The following KNTC1 variants were observed in gnomAD, a reference collection of about 807,000 sequenced individuals.
The protein encoded by KNTC1 is kinetochore-associated protein 1.
In KNTC1, 253 loss-of-function variants were observed where a neutral mutation model predicts 314.4. The ratio of observed to expected loss-of-function variants is 0.80; its 90% CI spans 0.73 to 0.89. KNTC1 has a LOEUF of 0.89. Ranked by LOEUF, KNTC1 falls within the 40% of genes least tolerant of loss-of-function variation. KNTC1 has a pLI of 0.00. For synonymous variants in KNTC1, 901 were observed against 901.4 expected (o/e 1.00, Z 0.01); for missense variants, 2,475 against 2,572.9 (o/e 0.96, Z 0.82).
chr12:122,602,015 A>T (rs1241853449), intron 45 of KNTC1: 1 of 152,848 alleles, frequency 6.5e-6, no homozygotes, highest in East Asian at 1.9e-4. Flanking sequence ...CTACTCAATT[A>T]TGTCTCAGTA....
At chr12:122,532,264 A>G (rs1439906219) in intron 2 of KNTC1, among the ~76,000 whole-genome samples, 5 of 138,662 alleles carry the variant, frequency 3.6e-5, no homozygotes, top group Middle Eastern at 4.0e-3. Context: ...GCTGGAGTGC[A>G]GTGGCGTGAT....
At chr12:122,601,891 T>A (rs1871964476) in intron 45 of KNTC1, 1 of 267,316 alleles carries the variant, frequency 3.7e-6, no homozygotes, top group South Asian at 5.0e-5. Flanking sequence ...GAGTATGAAG[T>A]CACTACAGAA....
Position 122,530,210 on chromosome 12 carries a change from G to C in KNTC1, c.129+18G>C, listed in dbSNP as rs1961200881. 3 of 1,607,518 alleles carry C rather than the reference G, an allele frequency of 1.9e-6. No individual in the cohort carries two copies. The highest frequency in any genetic ancestry group is 2.6e-6 in the Non-Finnish European group (3 of 1,176,146). On this transcript the variant is annotated intron_variant, in intron 2 of 63. Coordinates refer to ENST00000333479, the MANE Select transcript of KNTC1 (RefSeq NM_014708.6). ...CTGAAAAGGTAGTGATTATTACACT[G>C]ACTGTTTCATTCACAGAATTTTTAC...
intron 3 of KNTC1, among the ~76,000 whole-genome samples, chr12:122,537,067 T>C (rs1383470182): frequency 6.6e-6 from 1 of 152,212 alleles, no homozygotes; most frequent in Non-Finnish European, 1.5e-5. Flanking sequence ...GCGGAATAAC[T>C]TGAGTTCGTA....
rs1565940532 is a variant in KNTC1, at chr12:122,546,216, C to G, written c.710C>G (p.Ser237Cys). The G allele has an allele frequency of 1.9e-6, 3 of 1,609,820 alleles. No individual in the cohort carries two copies. The highest frequency in any genetic ancestry group is 2.2e-5 in the East Asian group (1 of 44,752). ...GCATTCTCAAAATGGGAACCAGATT[C>G]TTCCAAGAAAGGAATGACAGTTAAG... Reference protein sequence around the residue: ...NCAFSKWEPDSSKKGMTVKNL... With the variant: ...NCAFSKWEPDCSKKGMTVKNL... Residue 237 changes from serine (S) to cysteine (C), a missense_variant, in exon 9 of 64, where the codon TCT becomes TGT. Transcript: ENST00000333479.
intron 45 of KNTC1, chr12:122,601,986 T>TA (rs999889094): frequency 5.7e-5 from 9 of 159,032 alleles, no homozygotes; most frequent in Non-Finnish European, 9.6e-5. Context: ...CTCTGTGTAT[T>TA]AATGGGTAGG....
In KNTC1 at chr12:122,587,861, C is replaced by G; in HGVS notation, c.3881C>G (p.Thr1294Ser). 1 of 1,613,328 alleles carries G rather than the reference C, an allele frequency of 6.2e-7. No individual in the cohort carries two copies. The highest frequency in any genetic ancestry group is 2.2e-5 in the East Asian group (1 of 44,862). The change falls in exon 39 of 64, where the codon ACT (threonine) becomes AGT (serine). Residue 1294 changes from threonine (T) to serine (S), a missense_variant. Transcript: ENST00000333479. ...QHSVSNFMNA[T>S]LSEKLFGETT... ...TCTGTGTCAAACTTCATGAATGCCA[C>G]TTTGAGTGAAAAGGTATAGTGTCAA...
chr12:122,577,043 A>G lies in KNTC1; in HGVS notation c.2721+14A>G. The G allele has an allele frequency of 6.7e-7, 1 of 1,488,166 alleles. No individual in the cohort carries two copies. Among genetic ancestry groups the G allele is most frequent in the Non-Finnish European group, 8.9e-7 (1 of 1,121,422 alleles). 92.2% of individuals were successfully genotyped at this position (1,488,166 alleles called of 1,614,324 possible). A position where few individuals can be genotyped will look rare whatever the true frequency, so the allele number is the denominator to read the frequency against. On this transcript the variant is annotated intron_variant, in intron 30 of 63. Coordinates refer to ENST00000333479, the MANE Select transcript of KNTC1 (RefSeq NM_014708.6). ...GATAGAGAACAGGTTTGTAAGTTTT[A>G]TGTTGTCATTTCATATGGCTTCTTT... is the stretch of plus-strand genomic sequence containing the variant.
intron 63 of KNTC1, among the ~76,000 whole-genome samples, chr12:122,625,743 A>G (rs1051940381): frequency 1.9e-4 from 29 of 152,326 alleles, no homozygotes; most frequent in African/African-American, 6.7e-4. Context: ...TAAAATGTGC[A>G]CATAATTTAT....
At chr12:122,610,281 A>G (rs1872978345) in intron 52 of KNTC1, among the ~76,000 whole-genome samples, 1 of 152,164 alleles carries the variant, frequency 6.6e-6, no homozygotes, top group African/African-American at 2.4e-5. Context: ...CTTGGAGGGA[A>G]GCGATTTAAA....
At chr12:122,586,628 C>A in intron 37 of KNTC1, 73 bp from the exon 38 acceptor site, 1 of 503,762 alleles carries the variant, frequency 2.0e-6, no homozygotes, top group Non-Finnish European at 3.3e-6. Context: ...GGATATATTG[C>A]ATAGTGATGA....
At chr12:122,617,366 G>A (rs767351288) in intron 57 of KNTC1, 3 of 448,320 alleles carry the variant, frequency 6.7e-6, no homozygotes, top group Non-Finnish European at 1.3e-5. Context: ...ATTGATGGAA[G>A]TTTACATTTT....
At chr12:122,610,087 C>A (rs1872959924) in intron 52 of KNTC1, among the ~76,000 whole-genome samples, 1 of 152,202 alleles carries the variant, frequency 6.6e-6, no homozygotes, top group Non-Finnish European at 1.5e-5. Flanking sequence ...TGTGGAAAGA[C>A]AACCCCAAGA....
rs372428419 is a variant in KNTC1 at position 122,618,368 on chromosome 12, A to G, written c.6056A>G (p.Gln2019Arg). Residue 2019 changes from glutamine (Q) to arginine (R), a missense_variant, in exon 58 of 64, where the codon CAG (glutamine) becomes CGG (arginine). Physicochemically the swap from Gln to Arg is conservative, Grantham distance 43. Transcript: ENST00000333479. ...GTTCCCTACTTCAGCAAAGCGTGGC[A>G]GCGTGTGATACAGATACCACTGCTT... ...WQVPYFSKAW[Q>R]RVIQIPLLSA... 1.2e-6 allele frequency: 2 copies of G among 1,613,720 alleles called. No individual in the cohort carries two copies. Among genetic ancestry groups the G allele is most frequent in the African/African-American group, 2.7e-5 (2 of 74,934 alleles).
chr12:122,530,812 G>A (rs1433997804), intron 2 of KNTC1, among the ~76,000 whole-genome samples: 1 of 152,182 alleles, frequency 6.6e-6, no homozygotes, highest in African/African-American at 2.4e-5. Context: ...TGAAGGCTCT[G>A]AGGGTCCATC....
At position 122,591,339 on chromosome 12, in the gene KNTC1, A is replaced by G. The variant is rs1486501916; in HGVS notation, c.4131A>G (p.Ala1377=). Residue 1377 remains alanine (A), a splice_region_variant and synonymous_variant, in exon 42 of 64, where the codon GCA becomes GCG. Transcript: ENST00000333479. The part of the protein sequence containing the change: ...KAWQNYDKIL[A]ISLVGSELAS... ...TTAATTCTCTTTTAATTTTTTAGGC[A>G]ATATCTCTGGTGGGCTCTGAGCTGG... is the stretch of plus-strand genomic sequence containing the variant. 1 of 1,557,148 alleles carries G rather than the reference A, an allele frequency of 6.4e-7. No individual in the cohort carries two copies. Among genetic ancestry groups the G allele is most frequent in the South Asian group, 1.1e-5 (1 of 89,790 alleles).
chr12:122,609,978 C>G (rs1443901066), intron 52 of KNTC1, among the ~76,000 whole-genome samples: 1 of 152,202 alleles, frequency 6.6e-6, no homozygotes, highest in East Asian at 1.9e-4. Context: ...GTTCACATGC[C>G]AGCCAGCTTT....
intron 43 of KNTC1, among the ~76,000 whole-genome samples, chr12:122,596,963 C>G (rs1871137207): frequency 1.3e-5 from 2 of 152,192 alleles, no homozygotes; most frequent in South Asian, 2.1e-4. Context: ...TTGGTTTGCT[C>G]TTCCTTTTCT....
chr12:122,623,414 T>C (rs1325518283), intron 62 of KNTC1, among the ~76,000 whole-genome samples: 1 of 152,194 alleles, frequency 6.6e-6, no homozygotes. Flanking sequence ...GGTCTAGCCA[T>C]GTTGGCGCTT....
Sources: allele counts gnomAD v4.1 joint callset (sites outside exome capture counted in the v4.1 genomes callset), GRCh38; gene constraint gnomAD v4.1.1; transcripts MANE v1.5; gene names NCBI Gene and HGNC (gene_info 2026-07-23, HGNC 2026-07-21).